WWTR1: variants seen among roughly 807,000 people sequenced by gnomAD.
WWTR1 encodes WW domain-containing transcription regulator protein 1.
Under a neutral mutation model 40.1 loss-of-function variants are expected in WWTR1, and 13 were observed. That is an observed-to-expected ratio of 0.32 (90% confidence interval 0.21 to 0.52). The LOEUF (loss-of-function observed/expected upper bound fraction) is 0.52. Ranked by LOEUF, WWTR1 falls within the 20% of genes least tolerant of loss-of-function variation. WWTR1 has a pLI of 0.97. For missense variants in WWTR1, 436 were observed against 523.1 expected (o/e 0.83, Z 1.63); for synonymous variants, 230 against 210.1 (o/e 1.09, Z -0.82).
chr3:149,535,370 C>T (rs1389553837), intron 4 of WWTR1, among the ~76,000 whole-genome samples: 2 of 151,836 alleles, frequency 1.3e-5, no homozygotes, highest in Non-Finnish European at 2.9e-5. Context: ...TTACGGGGGA[C>T]GGCGGGGGGA....
chr3:149,576,152 G>A (rs986412444), intron 2 of WWTR1: 86 of 455,610 alleles, frequency 1.9e-4, no homozygotes, highest in African/African-American at 1.5e-3. Flanking sequence ...CAGTCGACCT[G>A]ACATCAGCTG....
chr3:149,586,730 C>T (rs1221685264), intron 2 of WWTR1, among the ~76,000 whole-genome samples: 5 of 152,186 alleles, frequency 3.3e-5, no homozygotes, highest in East Asian at 1.9e-4. Flanking sequence ...CTGGAGGATT[C>T]GAACTTTCAG....
intron 2 of WWTR1, among the ~76,000 whole-genome samples, chr3:149,635,780 C>T (rs369449598): frequency 4.9e-4 from 75 of 152,190 alleles, no homozygotes; most frequent in African/African-American, 1.8e-3. Flanking sequence ...AAGTCTATTG[C>T]TTTAGCTGAA....
At chr3:149,563,337 G>A (rs186851489) in intron 3 of WWTR1, among the ~76,000 whole-genome samples, 9 of 152,238 alleles carry the variant, frequency 5.9e-5, no homozygotes, top group East Asian at 1.9e-4. Context: ...TTAGGCTTAC[G>A]AAGGCCTGAT....
intron 3 of WWTR1, among the ~76,000 whole-genome samples, chr3:149,555,191 G>A (rs1466642739): frequency 6.6e-6 from 1 of 152,198 alleles, no homozygotes; most frequent in Non-Finnish European, 1.5e-5. Flanking sequence ...AAGAAAAGTT[G>A]CCAGCGTGAG....
At position 149,698,459 on chromosome 3, in the gene WWTR1, T is replaced by C. The variant is rs144944790; in HGVS notation, c.-108+4665A>G. Among the ~76,000 whole-genome samples the C allele has an allele frequency of 7.2e-5, 11 of 152,344 alleles. No individual in the cohort carries two copies. In the East Asian group the frequency reaches 2.1e-3, roughly 29 times the overall value. The stretch of plus-strand genomic sequence containing the variant: ...GTGAGTCAATTAAACCTCTTTCCTT[T>C]ATAAATTACCCATTTTCAGGCATGT... On this transcript the variant is annotated intron_variant, in intron 1 of 7. Coordinates refer to the WWTR1 transcript ENST00000465804.
chr3:149,572,833 T>C, intron 3 of WWTR1, 31 bp downstream of exon 3: 1 of 1,609,818 alleles, frequency 6.2e-7, no homozygotes, highest in Non-Finnish European at 8.5e-7. Flanking sequence ...AAAAAATATC[T>C]TTTTTAATTT....
rs528428136 is a variant in WWTR1 at position 149,519,003 on chromosome 3, T to A, written c.*1802A>T. ...CTCTGTACATGTATATTCCGGTAGA[T>A]CAAAAGGAATCTTATTTAAGATCCC... On this transcript the variant is annotated 3_prime_UTR_variant, in exon 7 of 7. Coordinates refer to ENST00000360632, the MANE Select transcript of WWTR1 (RefSeq NM_015472.6). 10 of 152,070 alleles carry A rather than the reference T, an allele frequency of 6.6e-5. No homozygotes were observed. The South Asian group carries it at 2.1e-3, about 32-fold the overall frequency. 9.4% of individuals were successfully genotyped at this position (152,070 alleles called of 1,614,324 possible). A position where few individuals can be genotyped will look rare whatever the true frequency, so the allele number is the denominator to read the frequency against.
intron 2 of WWTR1, among the ~76,000 whole-genome samples, chr3:149,611,661 G>A (rs1739743698): frequency 6.6e-6 from 1 of 152,184 alleles, no homozygotes; most frequent in Admixed American, 6.5e-5. Flanking sequence ...AGCAATGAAA[G>A]GACTGAATTT....
chr3:149,667,000 A>AT (rs1560110753), intron 2 of WWTR1, among the ~76,000 whole-genome samples: 1 of 152,214 alleles, frequency 6.6e-6, no homozygotes, highest in African/African-American at 2.4e-5. Flanking sequence ...CCTAAAATGT[A>AT]TATCGAAGCT....
intron 2 of WWTR1, among the ~76,000 whole-genome samples, chr3:149,601,652 T>G (rs1196656562): frequency 6.6e-6 from 1 of 152,168 alleles, no homozygotes; most frequent in Non-Finnish European, 1.5e-5. Flanking sequence ...CCTCCAATTC[T>G]TCAACATGTA....
At chr3:149,717,371 A>G (rs1034778501) in intron 5 of WWTR1, 20 of 152,222 alleles carry the variant, frequency 1.3e-4, no homozygotes, top group African/African-American at 3.6e-4. Flanking sequence ...GTCTACAAAG[A>G]CTATTTTCAA....
rs995376452 is a variant in WWTR1, at chr3:149,527,863, T to G, written c.878A>C (p.Asn293Thr). 6.2e-7 allele frequency: 1 copy of G among 1,614,142 alleles called. No homozygotes were observed. The highest frequency in any genetic ancestry group is 1.3e-5 in the African/African-American group (1 of 75,040). The change falls in exon 5 of 7, where the codon AAT (asparagine) becomes ACT (threonine). Residue 293 changes from asparagine to threonine, a missense_variant. Coordinates refer to ENST00000360632, the MANE Select transcript of WWTR1 (RefSeq NM_015472.6). ...ATTGAGGAAAGGATCTGAGCTATTATTAGTGATGGATCTCATGTCTGGGGT... is the reference window on the plus strand; with the variant it reads ...ATTGAGGAAAGGATCTGAGCTATTAGTAGTGATGGATCTCATGTCTGGGGT... The part of the protein sequence containing the change: ...TMTPDMRSIT[N>T]NSSDPFLNGG...
chr3:149,634,824 T>G (rs1711730014), intron 2 of WWTR1, among the ~76,000 whole-genome samples: 1 of 152,240 alleles, frequency 6.6e-6, no homozygotes, highest in African/African-American at 2.4e-5. Flanking sequence ...CCACTGAGCC[T>G]CTTCCCTGCC....
intron 2 of WWTR1, among the ~76,000 whole-genome samples, chr3:149,587,257 T>C (rs965613466): frequency 6.6e-6 from 1 of 152,174 alleles, no homozygotes; most frequent in Admixed American, 6.5e-5. Context: ...TGGTGTCTGC[T>C]AGGGAATCGG....
In WWTR1 at chr3:149,524,529, T is replaced by A. The variant is rs1344476808; in HGVS notation, c.1018+1484A>T. ...CACACTCAAAAAGCAGAGAGAGAGATAAAGGTGGCAGGGGGTGGTGGTGGG... is the reference window on the plus strand; with the variant it reads ...CACACTCAAAAAGCAGAGAGAGAGAAAAAGGTGGCAGGGGGTGGTGGTGGG... On this transcript the variant is annotated intron_variant, in intron 6 of 6. Coordinates refer to ENST00000360632, the MANE Select transcript of WWTR1 (RefSeq NM_015472.6). Among the ~76,000 whole-genome samples the A allele has an allele frequency of 2.6e-5, 4 of 151,590 alleles. 1 individual carries two copies. The South Asian group carries it at 8.4e-4, about 32-fold the overall frequency.
chr3:149,580,009 T>C (rs1738065080), intron 2 of WWTR1, among the ~76,000 whole-genome samples: 1 of 152,202 alleles, frequency 6.6e-6, no homozygotes, highest in Admixed American at 6.5e-5. Context: ...TTTAATCCTG[T>C]ACCAGATGGC....
intron 2 of WWTR1, among the ~76,000 whole-genome samples, chr3:149,595,123 A>T (rs1738934073): frequency 6.6e-6 from 1 of 151,484 alleles, no homozygotes; most frequent in South Asian, 2.1e-4. Context: ...CACCACGCCC[A>T]GCTAATTTTA....
chr3:149,651,229 A>G (rs1712845477), intron 2 of WWTR1, among the ~76,000 whole-genome samples: 1 of 152,230 alleles, frequency 6.6e-6, no homozygotes, highest in Non-Finnish European at 1.5e-5. Context: ...ATTTTTAAGT[A>G]AATACGTTCA....
Sources: gnomAD v4.1 joint callset for allele counts (sites outside exome capture counted in the v4.1 genomes callset) on GRCh38, gnomAD v4.1.1 for gene constraint, MANE v1.5 for transcripts, NCBI Gene and HGNC (gene_info 2026-07-23, HGNC 2026-07-21) for gene names.